Variants in ASPRV1 observed in about 807,000 individuals in gnomAD.
The protein encoded by ASPRV1 is aspartic peptidase retroviral like 1.
A neutral mutation model predicts 11.0 loss-of-function variants in ASPRV1; 7 were observed. The ratio of observed to expected loss-of-function variants is 0.64; its 90% CI spans 0.36 to 1.20. ASPRV1 has a LOEUF of 1.20. Among genes scored for constraint, ASPRV1 ranks in the 50% most tolerant of loss-of-function variants. ASPRV1 has a pLI of 0.02. For synonymous variants in ASPRV1, 136 were observed against 138.4 expected, an observed-to-expected ratio of 0.98 and a Z score of 0.12; for missense variants, 299 against 320.0, an observed-to-expected ratio of 0.93 and a Z score of 0.50.
the ASPRV1 span, chr2:69,937,449 AG>A: frequency 7.1e-7 from 1 of 1,405,394 alleles, no homozygotes; most frequent in Non-Finnish European, 9.2e-7. Context: ...ACCCCAGAGC[AG>A]GGGTTCAGTA....
the ASPRV1 span, among the ~76,000 whole-genome samples, chr2:69,952,756 C>T: frequency 2.6e-5 from 4 of 151,490 alleles, no homozygotes; most frequent in South Asian, 8.3e-4. Flanking sequence ...TCACTAGATG[C>T]CAATAGTCCC....
chr2:70,008,528 A>G, the ASPRV1 span, among the ~76,000 whole-genome samples: 2 of 151,972 alleles, frequency 1.3e-5, no homozygotes, highest in East Asian at 1.9e-4. Context: ...GCCTAGTCCA[A>G]CCTTGTCCAA....
the ASPRV1 span, chr2:69,994,208 G>C: frequency 1.3e-5 from 2 of 152,268 alleles, no homozygotes; most frequent in African/African-American, 4.8e-5. Context: ...TATTTGTTAT[G>C]TGTGGCCCTG....
At chr2:70,017,220 TGATC>T in the ASPRV1 span, among the ~76,000 whole-genome samples, 3 of 152,202 alleles carry the variant, frequency 2.0e-5, no homozygotes, top group Admixed American at 6.5e-5. Context: ...CTCCATCTCC[TGATC>T]TTGTGATCTG....
the ASPRV1 span, chr2:70,069,472 G>A: frequency 6.6e-6 from 1 of 152,182 alleles, no homozygotes; most frequent in Non-Finnish European, 1.5e-5. Context: ...AATAGGGCAT[G>A]ACCACATTTA....
chr2:70,000,232 C>A, the ASPRV1 span, among the ~76,000 whole-genome samples: 1 of 151,152 alleles, frequency 6.6e-6, no homozygotes, highest in Non-Finnish European at 1.5e-5. Flanking sequence ...CCTGTAATCC[C>A]AGCTACTGGG....
At chr2:69,970,163 T>A in the ASPRV1 span, among the ~76,000 whole-genome samples, 1 of 151,968 alleles carries the variant, frequency 6.6e-6, no homozygotes, top group Non-Finnish European at 1.5e-5. Context: ...TGCCCTCAGC[T>A]CCTCCTCCTG....
chr2:69,956,823 C>T (rs572781012), downstream of ASPRV1, among the ~76,000 whole-genome samples: 54 of 152,256 alleles, frequency 3.5e-4, no homozygotes, highest in African/African-American at 8.7e-4. Context: ...ACTGAGGATG[C>T]ACCATCACTT....
chr2:69,982,291 T>TA, the ASPRV1 span, among the ~76,000 whole-genome samples: 19,009 of 129,228 alleles, frequency 0.15, 1,947 homozygotes, highest in East Asian at 0.35. Flanking sequence ...TCATCCCTAC[T>TA]AAAAAAAAAA....
At chr2:70,033,276 AACACACACACACACAC>A in the ASPRV1 span, among the ~76,000 whole-genome samples, 1 of 141,612 alleles carries the variant, frequency 7.1e-6, no homozygotes, top group South Asian at 2.3e-4. Context: ...TCAAACAGAA[AACACACACACACACAC>A]ACACACACAC....
chr2:70,077,079 C>T, the ASPRV1 span, among the ~76,000 whole-genome samples: 3 of 152,184 alleles, frequency 2.0e-5, no homozygotes, highest in Non-Finnish European at 4.4e-5. Flanking sequence ...AGTCTATGCT[C>T]CTCACTCCTA....
Position 69,960,495 on chromosome 2 carries a change from G to C in ASPRV1, c.*162C>G. ...TGTTCAGTGGAAGCCTCCCCTACCA[G>C]GGGCAGATTAAGGCCCCTGCAGAGG... On this transcript the variant is annotated 3_prime_UTR_variant, in exon 1 of 1. Coordinates refer to ENST00000320256, the MANE Select transcript of ASPRV1 (RefSeq NM_152792.4). 1.4e-6 allele frequency: 1 copy of C among 733,720 alleles called. No homozygotes were observed. 45.5% of individuals were successfully genotyped at this position (733,720 alleles called of 1,614,324 possible). A position where few individuals can be genotyped will look rare whatever the true frequency, so the allele number is the denominator to read the frequency against.
the ASPRV1 span, among the ~76,000 whole-genome samples, chr2:70,082,143 TTGTG>T: frequency 4.0e-5 from 6 of 151,330 alleles, no homozygotes; most frequent in East Asian, 2.0e-4. Flanking sequence ...CCCAGCTAAT[TTGTG>T]TGTGTGTGTG....
At chr2:70,069,879 G>C in the ASPRV1 span, among the ~76,000 whole-genome samples, 1 of 151,992 alleles carries the variant, frequency 6.6e-6, no homozygotes, top group Non-Finnish European at 1.5e-5. Context: ...AAAAAAGAAA[G>C]GGAAGCAATA....
the ASPRV1 span, chr2:69,936,938 C>T: frequency 1.9e-6 from 1 of 532,734 alleles, no homozygotes; most frequent in Non-Finnish European, 3.7e-6. Flanking sequence ...GGGACTGCTG[C>T]CTGCAGTCTT....
chr2:70,058,331 C>A, the ASPRV1 span, among the ~76,000 whole-genome samples: 1 of 152,110 alleles, frequency 6.6e-6, no homozygotes, highest in Non-Finnish European at 1.5e-5. Flanking sequence ...CAACCTTCAC[C>A]TCCCGGGTTC....
At chr2:69,951,652 C>T in the ASPRV1 span, among the ~76,000 whole-genome samples, 1 of 151,206 alleles carries the variant, frequency 6.6e-6, no homozygotes, top group African/African-American at 2.4e-5. Flanking sequence ...TTCCCGCAAG[C>T]CTCACTCATT....
the ASPRV1 span, among the ~76,000 whole-genome samples, chr2:70,008,640 T>G: frequency 2.0e-5 from 3 of 151,812 alleles, no homozygotes; most frequent in Non-Finnish European, 2.9e-5. Context: ...TTTGTGTGTT[T>G]TTTTTTTTTT....
At chr2:70,042,051 T>C in the ASPRV1 span, among the ~76,000 whole-genome samples, 1 of 152,198 alleles carries the variant, frequency 6.6e-6, no homozygotes, top group African/African-American at 2.4e-5. Context: ...CAAAACTGTA[T>C]TCCACCAAAC....
Sources: gnomAD v4.1 joint callset for allele counts (sites outside exome capture counted in the v4.1 genomes callset) on GRCh38, gnomAD v4.1.1 for gene constraint, MANE v1.5 for transcripts, NCBI Gene and HGNC (gene_info 2026-07-23, HGNC 2026-07-21) for gene names.